Variants in RNF17 observed in about 807,000 individuals in gnomAD.
The protein encoded by RNF17 is ring finger protein 17, also known as spermatogenesis associated 23.
RNF17 carries 31 observed loss-of-function variants against 200.5 expected under a neutral mutation model. The ratio of observed to expected loss-of-function variants is 0.15; its 90% CI spans 0.12 to 0.21. RNF17 has a LOEUF of 0.21. Ranked by LOEUF, RNF17 falls within the 10% of genes least tolerant of loss-of-function variation. The pLI is 1.00. For missense variants in RNF17, 1,628 were observed against 1,905.1 expected (o/e 0.85, Z 2.71); for synonymous variants, 606 against 637.8 (o/e 0.95, Z 0.75).
At chr13:24,806,470 A>T (rs541862866) in intron 15 of RNF17, among the ~76,000 whole-genome samples, 1 of 152,244 alleles carries the variant, frequency 6.6e-6, no homozygotes, top group South Asian at 2.1e-4. Flanking sequence ...CCCACCAACA[A>T]TGTAAAAGCA....
At chr13:24,843,282 G>T (rs1240683949) in intron 19 of RNF17, among the ~76,000 whole-genome samples, 3 of 152,168 alleles carry the variant, frequency 2.0e-5, no homozygotes, top group African/African-American at 7.2e-5. Context: ...ACTTTGGGAG[G>T]CTCAGGCAGG....
intron 20 of RNF17, among the ~76,000 whole-genome samples, chr13:24,844,178 T>C (rs1890987268): frequency 6.6e-6 from 1 of 152,140 alleles, no homozygotes; most frequent in Admixed American, 6.5e-5. Flanking sequence ...AAATACCTAT[T>C]GAGCACCTAC....
chr13:24,877,982 T>G (rs1566267173), intron 34 of RNF17, among the ~76,000 whole-genome samples: 1 of 152,218 alleles, frequency 6.6e-6, no homozygotes, highest in Non-Finnish European at 1.5e-5. Context: ...TGATTAGATA[T>G]TCTAAAAACT....
chr13:24,881,388 A>G (rs1000580412), downstream of RNF17, among the ~76,000 whole-genome samples: 4 of 151,918 alleles, frequency 2.6e-5, no homozygotes, highest in African/African-American at 9.7e-5. Flanking sequence ...TGATCTGCCA[A>G]CTTTGGCCTC....
intron 17 of RNF17, among the ~76,000 whole-genome samples, chr13:24,831,382 C>T (rs901996039): frequency 5.9e-4 from 89 of 152,114 alleles, no homozygotes; most frequent in African/African-American, 2.0e-3. Flanking sequence ...GCGGAGGTTG[C>T]GGTGAACCAA....
intron 15 of RNF17, among the ~76,000 whole-genome samples, chr13:24,812,346 G>A (rs1004571916): frequency 1.6e-4 from 24 of 151,944 alleles, no homozygotes; most frequent in African/African-American, 4.3e-4. Context: ...ATCTCCTGGC[G>A]CGCCATTTTT....
intron 18 of RNF17, among the ~76,000 whole-genome samples, chr13:24,834,233 C>G (rs1215687460): frequency 6.6e-6 from 1 of 151,744 alleles, no homozygotes; most frequent in African/African-American, 2.4e-5. Context: ...ATGGTGAAAC[C>G]CCATCTCTAC....
chr13:24,801,818 T>C (rs1416063255), intron 13 of RNF17, among the ~76,000 whole-genome samples: 1 of 152,192 alleles, frequency 6.6e-6, no homozygotes, highest in Non-Finnish European at 1.5e-5. Context: ...CTTATTTCTT[T>C]CATTTTGAGA....
At chr13:24,827,944 T>C (rs939179940) in intron 16 of RNF17, among the ~76,000 whole-genome samples, 12 of 152,050 alleles carry the variant, frequency 7.9e-5, no homozygotes, top group African/African-American at 2.9e-4. Flanking sequence ...ATCACATTTA[T>C]GAGGGCAGAA....
At chr13:24,820,114 CTTTTTTCTTT>C (rs1887856461) in intron 15 of RNF17, among the ~76,000 whole-genome samples, 3 of 109,518 alleles carry the variant, frequency 2.7e-5, no homozygotes, top group African/African-American at 3.6e-5. Context: ...TCTCTTTTTT[CTTTTTTCTTT>C]TTTTTTTTTT....
At position 24,812,682 on chromosome 13, in the gene RNF17, C is replaced by CCT. The variant is rs1297728562; in HGVS notation, c.2091+8254_2091+8255insTC. Among the ~76,000 whole-genome samples, 9 of 86,184 alleles carry CCT rather than the reference C, an allele frequency of 1.0e-4. 1 individual carries two copies. Among genetic ancestry groups the CCT allele is most frequent in the African/African-American group, 4.0e-4 (9 of 22,752 alleles). 56.5% of individuals were successfully genotyped at this position (86,184 alleles called of 152,430 possible). Reference sequence around the variant, plus strand: ...TGGCTCCTCCCCTCCCCGCCCCACCCCCTTTTTTTTTTTTTTTGAGACGCA... The same window carrying CCT: ...TGGCTCCTCCCCTCCCCGCCCCACCCCTCCTTTTTTTTTTTTTTTGAGACGCA... On this transcript the variant is annotated intron_variant, in intron 15 of 35. Transcript: ENST00000255324.
At chr13:24,815,499 T>C (rs1206700785) in intron 15 of RNF17, among the ~76,000 whole-genome samples, 4 of 150,944 alleles carry the variant, frequency 2.6e-5, no homozygotes, top group Non-Finnish European at 4.4e-5. Context: ...TTTTCTTACA[T>C]AGAAGATCAT....
intron 28 of RNF17, among the ~76,000 whole-genome samples, chr13:24,863,965 G>T (rs1001060410): frequency 6.6e-6 from 1 of 152,182 alleles, no homozygotes; most frequent in African/African-American, 2.4e-5. Flanking sequence ...ACAGCTGGGG[G>T]CTGAGCAGTA....
chr13:24,765,009 G>A (rs1169007641), intron 1 of RNF17, among the ~76,000 whole-genome samples: 1 of 151,146 alleles, frequency 6.6e-6, no homozygotes, highest in Non-Finnish European at 1.5e-5. Flanking sequence ...ACAGGTTCAA[G>A]TTATTTATTA....
intron 2 of RNF17, among the ~76,000 whole-genome samples, chr13:24,772,739 C>T (rs1409124029): frequency 1.3e-5 from 2 of 151,838 alleles, no homozygotes; most frequent in Non-Finnish European, 2.9e-5. Flanking sequence ...GCCTCTCGAG[C>T]AGCTGGGACT....
chr13:24,879,615 C>G (rs908494070), intron 35 of RNF17, 122 bp from the exon 36 acceptor site: 3 of 192,242 alleles, frequency 1.6e-5, no homozygotes, highest in Non-Finnish European at 3.2e-5. Context: ...CAGTCACCAT[C>G]CTCATACCAC....
At chr13:24,764,530 G>C (rs1434787154) in intron 1 of RNF17, 197 bp downstream of exon 1, 1 of 342,356 alleles carries the variant, frequency 2.9e-6, no homozygotes, top group Non-Finnish European at 4.1e-6. Context: ...CAGCACCTGC[G>C]CCTGTCACGG....
Position 24,788,080 on chromosome 13 carries a change from A to T in RNF17, c.704A>T (p.Asn235Ile). The change falls in exon 7 of 36, where the codon AAT becomes ATT. Residue 235 changes from asparagine (N) to isoleucine (I), a missense_variant. Transcript: ENST00000255324. ...KAKSYIEEKK[N>I]NLNAAMNIAR... ...AAAAGCTACATTGAAGAGAAAAAAA[A>T]TAATTTGAATGCAGCTATGAACATA... 1.3e-6 allele frequency: 2 copies of T among 1,599,412 alleles called. No homozygotes were observed. Among genetic ancestry groups the T allele is most frequent in the Middle Eastern group, 3.3e-4 (2 of 6,016 alleles).
intron 31 of RNF17, 84 bp from the exon 32 acceptor site, chr13:24,870,487 T>C: frequency 2.5e-6 from 3 of 1,200,940 alleles, no homozygotes; most frequent in Non-Finnish European, 3.6e-6. Flanking sequence ...CGCTGGAGGC[T>C]GTCTGCTACA....
Sources: allele counts gnomAD v4.1 joint callset (sites outside exome capture counted in the v4.1 genomes callset), GRCh38; gene constraint gnomAD v4.1.1; transcripts MANE v1.5; gene names NCBI Gene and HGNC (gene_info 2026-07-23, HGNC 2026-07-21).